Variants in DDHD1 observed in about 807,000 individuals in gnomAD.
DDHD1 encodes the protein phospholipase DDHD1.
In DDHD1, 49 loss-of-function variants were observed where a neutral mutation model predicts 96.4. That is an observed-to-expected ratio of 0.51 (90% CI 0.40 to 0.64). The LOEUF is 0.64. Ranked by LOEUF, DDHD1 falls within the 30% of genes least tolerant of loss-of-function variation. DDHD1 has a pLI of 0.00. For synonymous variants in DDHD1, 442 were observed against 446.5 expected, an observed-to-expected ratio of 0.99 and a Z score of 0.13; for missense variants, 1,106 against 1,161.2, an observed-to-expected ratio of 0.95 and a Z score of 0.69.
chr14:53,113,589 G>A (rs1196465708), intron 1 of DDHD1, among the ~76,000 whole-genome samples: 1 of 151,600 alleles, frequency 6.6e-6, no homozygotes, highest in Non-Finnish European at 1.5e-5. Flanking sequence ...CGGAGAGTGA[G>A]CAGAAGCATG....
At chr14:53,129,952 TC>T (rs1372214611) in intron 1 of DDHD1, among the ~76,000 whole-genome samples, 3 of 152,094 alleles carry the variant, frequency 2.0e-5, no homozygotes, top group African/African-American at 4.8e-5. Context: ...TACACATCGG[TC>T]CCTCCCTAGT....
intron 1 of DDHD1, among the ~76,000 whole-genome samples, chr14:53,128,389 C>G (rs1889614637): frequency 6.6e-6 from 1 of 152,284 alleles, no homozygotes; most frequent in African/African-American, 2.4e-5. Context: ...AAGGCACCAG[C>G]AGATTTGGTG....
intron 1 of DDHD1, among the ~76,000 whole-genome samples, chr14:53,110,092 A>C (rs1019713733): frequency 6.6e-6 from 1 of 152,210 alleles, no homozygotes; most frequent in African/African-American, 2.4e-5. Context: ...GTGGCTACCC[A>C]AGGCAGAAAC....
chr14:53,066,340 C>T (rs1380866884), intron 6 of DDHD1, among the ~76,000 whole-genome samples: 2 of 152,062 alleles, frequency 1.3e-5, no homozygotes, highest in Admixed American at 6.5e-5. Context: ...TTAGTAGAGA[C>T]GGGGTTTCAC....
intron 2 of DDHD1, among the ~76,000 whole-genome samples, chr14:53,100,058 G>C (rs1887184104): frequency 6.7e-6 from 1 of 148,940 alleles, no homozygotes; most frequent in Non-Finnish European, 1.5e-5. Flanking sequence ...AAATATGTGG[G>C]GAAAAAAACA....
At chr14:53,088,329 A>G (rs1223486539) in intron 4 of DDHD1, among the ~76,000 whole-genome samples, 1 of 152,232 alleles carries the variant, frequency 6.6e-6, no homozygotes, top group African/African-American at 2.4e-5. Flanking sequence ...TGAGGCCAAC[A>G]TCATCCTGAT....
intron 2 of DDHD1, among the ~76,000 whole-genome samples, chr14:53,094,512 G>A (rs530685551): frequency 2.6e-5 from 4 of 152,080 alleles, no homozygotes; most frequent in African/African-American, 9.6e-5. Context: ...AGCAGCCTGG[G>A]CAACAATAAT....
At chr14:53,060,863 C>T (rs952594644) in intron 8 of DDHD1, among the ~76,000 whole-genome samples, 8 of 152,120 alleles carry the variant, frequency 5.3e-5, no homozygotes, top group African/African-American at 1.7e-4. Flanking sequence ...ATTAGAACCT[C>T]CCTCTCCTGT....
intron 1 of DDHD1, among the ~76,000 whole-genome samples, chr14:53,138,434 AG>A (rs1890397157): frequency 6.6e-6 from 1 of 152,218 alleles, no homozygotes; most frequent in African/African-American, 2.4e-5. Context: ...GTCTCAAAAA[AG>A]AAAAAAAGCA....
At chr14:53,093,786 G>T in intron 2 of DDHD1, 1 of 241,824 alleles carries the variant, frequency 4.1e-6, no homozygotes, top group South Asian at 5.1e-5. Context: ...CTGGGTCTAA[G>T]GCATATATAC....
At position 53,152,728 on chromosome 14, in the gene DDHD1, G is replaced by A; in HGVS notation, c.371C>T (p.Pro124Leu). Residue 124 changes from proline (P) to leucine (L), a missense_variant, in exon 1 of 13, where the codon CCG (proline) becomes CTG (leucine). Physicochemically the swap from Pro to Leu is moderately conservative, Grantham distance 98. Coordinates refer to ENST00000673822, the MANE Select transcript of DDHD1 (RefSeq NM_001160148.2). ...GCCCCCCGAGTTCGTCGGGACCAGC[G>A]GAGGCTGCTGCGGCGGGTGCAGCGA... is the stretch of plus-strand genomic sequence containing the variant. ...SLSLHPPQQP[P>L]LVPTNSGGGG... is the part of the protein sequence containing the mutation. The A allele has an allele frequency of 3.7e-6, 6 of 1,602,080 alleles. No individual in the cohort carries two copies. The highest frequency in any genetic ancestry group is 5.1e-6 in the Non-Finnish European group (6 of 1,174,564).
rs528571457 is a variant in DDHD1, at chr14:53,042,698, T to C, written c.*4070A>G. ...TTCAGCCAGAGTACCATCAGATTCC[T>C]GGCAGAGGCTTGAGGCACAGGAATG... On this transcript the variant is annotated 3_prime_UTR_variant, in exon 13 of 13. Coordinates refer to ENST00000673822, the MANE Select transcript of DDHD1 (RefSeq NM_001160148.2). 1 of 152,342 alleles carries C rather than the reference T, an allele frequency of 6.6e-6. No individual in the cohort carries two copies. The highest frequency in any genetic ancestry group is 1.9e-4 in the East Asian group (1 of 5,186). The allele number at this position is 152,342 out of a possible 1,614,324, so 9.4% of individuals were successfully genotyped here.
In DDHD1 at chr14:53,046,907, A is replaced by G; in HGVS notation, c.2564T>C (p.Leu855Pro). 1.2e-6 allele frequency: 2 copies of G among 1,612,540 alleles called. No individual in the cohort carries two copies. The highest frequency in any genetic ancestry group is 1.7e-6 in the Non-Finnish European group (2 of 1,179,252). The change falls in exon 13 of 13, where the codon CTT becomes CCT. Residue 855 changes from leucine to proline, a missense_variant. By Grantham distance (98) the Leu-to-Pro change is moderately conservative. This residue lies in a region of DDHD1 where 650 missense variants were observed against 758.8 expected (regional missense o/e 0.86). Coordinates refer to ENST00000673822, the MANE Select transcript of DDHD1 (RefSeq NM_001160148.2). ...HRIDFELREG[L>P]VESRYWSAVT... ...AGCTGACCAATAGCGGCTCTCCACA[A>G]GGCCTTCTCTGAGTTCAAAATCAAT... is the stretch of plus-strand genomic sequence containing the variant.
intron 1 of DDHD1, among the ~76,000 whole-genome samples, chr14:53,122,687 T>C (rs1889092375): frequency 1.3e-5 from 2 of 151,256 alleles, no homozygotes; most frequent in African/African-American, 4.9e-5. Context: ...GCCTCCTGAG[T>C]AGCTGAGATT....
At chr14:53,087,355 T>C (rs1886066892) in intron 4 of DDHD1, among the ~76,000 whole-genome samples, 1 of 152,096 alleles carries the variant, frequency 6.6e-6, no homozygotes, top group African/African-American at 2.4e-5. Context: ...CAATAGAATA[T>C]ACATTCTTCT....
intron 4 of DDHD1, among the ~76,000 whole-genome samples, chr14:53,086,972 C>CAAAAAAAAA (rs60569444): frequency 1.9e-3 from 98 of 52,174 alleles, no homozygotes; most frequent in Non-Finnish European, 2.3e-3. Context: ...AAATGAAAAG[C>CAAAAAAAAA]AAAAAAAAAA....
chr14:53,128,069 T>A (rs1889585550), intron 1 of DDHD1, among the ~76,000 whole-genome samples: 1 of 152,158 alleles, frequency 6.6e-6, no homozygotes, highest in Admixed American at 6.5e-5. Flanking sequence ...GGCTTTCCCC[T>A]CTTCGCTCTA....
rs953050296 is a variant in DDHD1, at chr14:53,042,834, G to T, written c.*3934C>A. 1 of 152,156 alleles carries T rather than the reference G, an allele frequency of 6.6e-6. No individual in the cohort carries two copies. Among genetic ancestry groups the T allele is most frequent in the Non-Finnish European group, 1.5e-5 (1 of 68,024 alleles). 9.4% of individuals were successfully genotyped at this position (152,156 alleles called of 1,614,324 possible). On this transcript the variant is annotated 3_prime_UTR_variant, in exon 13 of 13. Transcript: ENST00000673822. ...TCTTTTTCTAGTATATGATTGCTAC[G>T]TTCTTTTTTGCTCTGCCTTGATCTT...
chr14:53,098,423 C>T (rs1172236317), intron 2 of DDHD1, among the ~76,000 whole-genome samples: 1 of 151,918 alleles, frequency 6.6e-6, no homozygotes, highest in East Asian at 1.9e-4. Context: ...TGATGACATA[C>T]TAATTCCTAC....
Sources: gnomAD v4.1 joint callset for allele counts (sites outside exome capture counted in the v4.1 genomes callset) on GRCh38, gnomAD v4.1.1 for gene constraint, gnomAD v4.1.1 regional missense constraint, MANE v1.5 for transcripts, NCBI Gene and HGNC (gene_info 2026-07-23, HGNC 2026-07-21) for gene names.